Variants in EFCAB7 observed in about 807,000 individuals in gnomAD.
EFCAB7 encodes EF-hand calcium binding domain 7, also known as EF-hand calcium-binding domain-containing protein 7.
A neutral mutation model predicts 77.1 loss-of-function variants in EFCAB7; 66 were observed. The observed-to-expected ratio is 0.86, with a 90% CI of 0.70 to 1.05. The LOEUF is 1.05. Ranked by LOEUF, EFCAB7 falls within the 50% of genes least tolerant of loss-of-function variation. EFCAB7 has a pLI of 0.00. For synonymous variants in EFCAB7, 225 were observed against 243.3 expected (o/e 0.92, Z 0.70); for missense variants, 638 against 730.5 (o/e 0.87, Z 1.46).
chr1:63,572,693 A>T lies in EFCAB7; in HGVS notation c.*177A>T. The T allele has an allele frequency of 1.0e-6, 1 of 975,516 alleles. No individual in the cohort carries two copies. Among genetic ancestry groups the T allele is most frequent in the Non-Finnish European group, 1.3e-6 (1 of 767,598 alleles). 60.4% of individuals were successfully genotyped at this position (975,516 alleles called of 1,614,324 possible). A position where few individuals can be genotyped will look rare whatever the true frequency, so the allele number is the denominator to read the frequency against. On this transcript the variant is annotated 3_prime_UTR_variant, in exon 14 of 14. Coordinates refer to ENST00000371088, the MANE Select transcript of EFCAB7 (RefSeq NM_032437.4). The stretch of plus-strand genomic sequence containing the variant: ...TTATTAAAATATAAATAATGCTTTC[A>T]TTGTGTGGTGTTCTTATTTAGTAGG...
At chr1:63,580,734 T>C in the EFCAB7 span, among the ~76,000 whole-genome samples, 1 of 152,224 alleles carries the variant, frequency 6.6e-6, no homozygotes. Flanking sequence ...TCCACTTATG[T>C]AGGTTTTATT....
chr1:63,565,836 A>C (rs1647164538), intron 11 of EFCAB7, among the ~76,000 whole-genome samples: 1 of 152,196 alleles, frequency 6.6e-6, no homozygotes, highest in African/African-American at 2.4e-5. Context: ...GCTATTATTA[A>C]AAAGTCAAAA....
At chr1:63,545,803 C>A in intron 6 of EFCAB7, 113 bp from the exon 7 acceptor site, 2 of 870,888 alleles carry the variant, frequency 2.3e-6, no homozygotes, top group Non-Finnish European at 3.6e-6. Context: ...TCCTGGAGAG[C>A]AATGATTATA....
At chr1:63,555,784 C>T (rs1229392424) in intron 9 of EFCAB7, among the ~76,000 whole-genome samples, 2 of 151,872 alleles carry the variant, frequency 1.3e-5, no homozygotes, top group East Asian at 3.9e-4. Context: ...GTTACCCAGG[C>T]TGGAGTACAC....
At chr1:63,559,511 G>A (rs1647069907) in intron 10 of EFCAB7, among the ~76,000 whole-genome samples, 1 of 151,986 alleles carries the variant, frequency 6.6e-6, no homozygotes, top group Non-Finnish European at 1.5e-5. Flanking sequence ...AGCCTAGGAC[G>A]GAGTGTAGTG....
intron 10 of EFCAB7, 24 bp downstream of exon 10, chr1:63,557,271 C>A (rs766512265): frequency 5.1e-6 from 8 of 1,576,368 alleles, no homozygotes; most frequent in Non-Finnish European, 6.0e-6. Flanking sequence ...TTTTCCTTAA[C>A]AGATGTATAA....
intron 11 of EFCAB7, among the ~76,000 whole-genome samples, chr1:63,564,630 ACT>A (rs942648544): frequency 9.8e-5 from 15 of 152,346 alleles, no homozygotes; most frequent in African/African-American, 3.6e-4. Flanking sequence ...AAATGGTCAT[ACT>A]GCCCAAAGCA....
downstream of EFCAB7, chr1:63,572,729 C>CT (rs201830983): frequency 0.046 from 31,253 of 681,392 alleles, 18 homozygotes; most frequent in East Asian, 0.091. Context: ...AAATCTTTTT[C>CT]TTTTTTTTTT....
intron 1 of EFCAB7, among the ~76,000 whole-genome samples, chr1:63,523,974 C>T (rs905892526): frequency 7.2e-5 from 11 of 152,170 alleles, no homozygotes; most frequent in African/African-American, 2.6e-4. Context: ...GCAATGTACT[C>T]TCTAGGCCCC....
In EFCAB7 at chr1:63,568,381, A is replaced by G; in HGVS notation, c.1569A>G (p.Ala523=). The G allele has an allele frequency of 6.3e-7, 1 of 1,592,210 alleles. No homozygotes were observed. The highest frequency in any genetic ancestry group is 8.5e-7 in the Non-Finnish European group (1 of 1,172,288). ...AAATTAAAGCTGTCCATATGGAGGCATGTAGTGGACAACTTGAGAAGGCCA... is the reference window on the plus strand; with the variant it reads ...AAATTAAAGCTGTCCATATGGAGGCGTGTAGTGGACAACTTGAGAAGGCCA... The part of the protein sequence containing the change: ...KPKIKAVHME[A]CSGQLEKAIC... The change falls in exon 12 of 14, where the codon GCA becomes GCG. Residue 523 remains alanine, a synonymous_variant. Coordinates refer to ENST00000371088, the MANE Select transcript of EFCAB7 (RefSeq NM_032437.4).
Position 63,572,627 on chromosome 1 carries a change from T to C in EFCAB7, c.*111T>C. 3.5e-6 allele frequency: 4 copies of C among 1,133,766 alleles called. No individual in the cohort carries two copies. The highest frequency in any genetic ancestry group is 6.7e-4 in the Middle Eastern group (2 of 2,994). The allele number at this position is 1,133,766 out of a possible 1,614,324, so 70.2% of individuals were successfully genotyped here. A position where few individuals can be genotyped will look rare whatever the true frequency, so the allele number is the denominator to read the frequency against. On this transcript the variant is annotated 3_prime_UTR_variant, in exon 14 of 14. Transcript: ENST00000371088. ...TGTACCTAAATAATAATCTATTCAA[T>C]TTATATGCATTTTCATTTTATGTCC...
In EFCAB7 at chr1:63,525,702, TTAAC is replaced by T. The variant is rs772745721; in HGVS notation, c.132_135del (p.Thr45SerfsTer17). 6.3e-7 allele frequency: 1 copy of T among 1,589,560 alleles called. No homozygotes were observed. Among genetic ancestry groups the T allele is most frequent in the South Asian group, 1.2e-5 (1 of 85,588 alleles). On this transcript the variant is annotated frameshift_variant, in exon 2 of 14. Transcript: ENST00000371088. LOFTEE classifies it high-confidence loss of function. ...TTATATGAATTGTAGAGCTGCCTAC[TTAAC>T]TGTCTTCAAAAGCAGCTTGGAAAAC... is the stretch of plus-strand genomic sequence containing the variant.
intron 2 of EFCAB7, among the ~76,000 whole-genome samples, chr1:63,527,382 A>T (rs1272441306): frequency 6.6e-6 from 1 of 152,214 alleles, no homozygotes; most frequent in African/African-American, 2.4e-5. Flanking sequence ...AAAAAGGAGT[A>T]ACATGAACTA....
chr1:63,573,040 C>T (rs910592761), downstream of EFCAB7, among the ~76,000 whole-genome samples: 5 of 152,160 alleles, frequency 3.3e-5, no homozygotes, highest in South Asian at 2.1e-4. Context: ...CCGGCCATCT[C>T]GATGTGTACG....
chr1:63,556,988 A>C, intron 9 of EFCAB7, 126 bp from the exon 10 acceptor site: 1 of 662,808 alleles, frequency 1.5e-6, no homozygotes, highest in Non-Finnish European at 2.2e-6. Context: ...CAGTGAGCCG[A>C]GATCACGCCA....
intron 10 of EFCAB7, among the ~76,000 whole-genome samples, chr1:63,559,811 C>G (rs1215495596): frequency 2.0e-5 from 3 of 152,162 alleles, no homozygotes; most frequent in Admixed American, 6.5e-5. Context: ...GCCTTTGCTC[C>G]TTTGTCAAAT....
At chr1:63,569,527 G>A (rs17125132) in intron 12 of EFCAB7, 21,020 of 152,200 alleles carry the variant, frequency 0.14, 1,563 homozygotes, top group Middle Eastern at 0.25. Flanking sequence ...TATGGGATTT[G>A]AGCACTGAAG....
intron 13 of EFCAB7, among the ~76,000 whole-genome samples, chr1:63,572,073 T>C (rs925786435): frequency 2.0e-5 from 3 of 152,232 alleles, no homozygotes; most frequent in African/African-American, 7.2e-5. Flanking sequence ...TTCTCCATAC[T>C]GTCCATAAAA....
At chr1:63,576,728 C>T (rs1471835103), downstream of EFCAB7, among the ~76,000 whole-genome samples, 4 of 149,242 alleles carry the variant, frequency 2.7e-5, no homozygotes, top group East Asian at 2.0e-4. Flanking sequence ...CCCAGCTACT[C>T]GGGAGGCTGA....
Sources: allele counts gnomAD v4.1 joint callset (sites outside exome capture counted in the v4.1 genomes callset), GRCh38; gene constraint gnomAD v4.1.1; transcripts MANE v1.5; gene names NCBI Gene and HGNC (gene_info 2026-07-23, HGNC 2026-07-21).